The following WDR64 variants were observed in gnomAD, a reference collection of about 807,000 sequenced individuals.
WDR64 encodes the protein WD repeat-containing protein 64.
WDR64 carries 112 observed loss-of-function variants against 139.3 expected under a neutral mutation model. That is an observed-to-expected ratio of 0.80 (90% CI 0.69 to 0.94). WDR64 has a LOEUF of 0.94. Among genes scored for constraint, WDR64 ranks in the 40% least tolerant of loss-of-function variants. The pLI, the probability that WDR64 is intolerant of heterozygous loss-of-function variation, is 0.00. For synonymous variants in WDR64, 444 were observed against 437.7 expected, an observed-to-expected ratio of 1.01 and a Z score of -0.18; for missense variants, 1,206 against 1,293.1, an observed-to-expected ratio of 0.93 and a Z score of 1.03.
chr1:241,705,981 T>A (rs1667938947), intron 8 of WDR64, among the ~76,000 whole-genome samples: 1 of 152,162 alleles, frequency 6.6e-6, no homozygotes, highest in Non-Finnish European at 1.5e-5. Flanking sequence ...CCCACCATAA[T>A]ACTATCAATC....
At position 241,743,688 on chromosome 1, in the gene WDR64, GA is replaced by G. The variant is rs1233488899; in HGVS notation, c.1471-703del. Among the ~76,000 whole-genome samples the G allele has an allele frequency of 2.6e-5, 4 of 152,330 alleles. 1 individual carries two copies. The South Asian group carries it at 6.2e-4, about 24-fold the overall frequency. On this transcript the variant is annotated intron_variant, in intron 12 of 27. Transcript: ENST00000437684. ...TTACATCTGAACATGGCAACTCCAT[GA>G]AGGAGAGACTTAGACAGAAAATCTG...
intron 1 of WDR64, among the ~76,000 whole-genome samples, chr1:241,659,737 C>A (rs78488798): frequency 6.6e-6 from 1 of 152,072 alleles, no homozygotes; most frequent in Non-Finnish European, 1.5e-5. Context: ...ATGTCCTTTG[C>A]CCACTTTTAA....
chr1:241,702,443 A>G (rs1485129112), intron 8 of WDR64, among the ~76,000 whole-genome samples: 13 of 152,126 alleles, frequency 8.5e-5, no homozygotes, highest in Admixed American at 8.5e-4. Flanking sequence ...TGCCTTGTTT[A>G]ATGCCTGACA....
rs886324359 is a variant in WDR64, at chr1:241,656,137, G to A, written c.145+3508G>A. ...TGCTAGACAAGTTACCTTCTATCAC[G>A]GGGCGGCCTAAGAAAGAGTGAGGAG... On this transcript the variant is annotated intron_variant, in intron 1 of 27. Coordinates refer to ENST00000437684, the MANE Select transcript of WDR64 (RefSeq NM_001367482.1). This position sits in a 1 kb window ranked among gnomAD's most constrained non-coding sequence, Gnocchi z 4.3. Among the ~76,000 whole-genome samples, 9 of 152,254 alleles carry A rather than the reference G, an allele frequency of 5.9e-5. No homozygotes were observed. Among genetic ancestry groups the A allele is most frequent in the South Asian group, 2.1e-4 (1 of 4,824 alleles).
chr1:241,693,078 T>G (rs903118190), intron 8 of WDR64, among the ~76,000 whole-genome samples: 14 of 152,152 alleles, frequency 9.2e-5, no homozygotes, highest in Admixed American at 2.6e-4. Flanking sequence ...CCCAAAGAAG[T>G]TGAAAACGTA....
chr1:241,738,522 C>T (rs2148237217), intron 11 of WDR64, 33 bp downstream of exon 11: 1 of 1,579,208 alleles, frequency 6.3e-7, no homozygotes, highest in South Asian at 1.2e-5. Context: ...AAACGAAACT[C>T]ATGTCTTGAT....
intron 10 of WDR64, among the ~76,000 whole-genome samples, chr1:241,731,091 T>C (rs1669060641): frequency 6.6e-6 from 1 of 152,212 alleles, no homozygotes. Context: ...TACAAAAATA[T>C]ATGTGCAAAG....
intron 2 of WDR64, among the ~76,000 whole-genome samples, chr1:241,662,501 CACA>C (rs1254787081): frequency 6.6e-6 from 1 of 152,136 alleles, no homozygotes; most frequent in African/African-American, 2.4e-5. Context: ...ACTGGCAGTT[CACA>C]ACTTTGCATT....
intron 21 of WDR64, among the ~76,000 whole-genome samples, chr1:241,778,813 C>T (rs1658750166): frequency 1.3e-5 from 2 of 152,040 alleles, no homozygotes; most frequent in Non-Finnish European, 2.9e-5. Flanking sequence ...TCTTTTATCT[C>T]CTGTATAATT....
chr1:241,769,650 G>GA (rs1658344253), intron 17 of WDR64, 145 bp downstream of exon 17: 1 of 722,444 alleles, frequency 1.4e-6, no homozygotes, highest in African/African-American at 1.8e-5. Flanking sequence ...AGGGACCACT[G>GA]AAAAAAGACA....
chr1:241,683,576 C>A lies in WDR64; in HGVS notation c.714C>A (p.Ile238=). ...PLPDHLCRDD[I]LLGDDGGFVN... ...CTGACCATCTCTGCCGAGATGACATCCTCTTGGGGGATGATGGGGGTTTTG... is the reference window on the plus strand; with the variant it reads ...CTGACCATCTCTGCCGAGATGACATACTCTTGGGGGATGATGGGGGTTTTG... The change falls in exon 7 of 28, where the codon ATC becomes ATA. Residue 238 remains isoleucine (I), a synonymous_variant. Coordinates refer to ENST00000437684, the MANE Select transcript of WDR64 (RefSeq NM_001367482.1). 1 of 1,551,626 alleles carries A rather than the reference C, an allele frequency of 6.4e-7. No homozygotes were observed. Among genetic ancestry groups the A allele is most frequent in the Non-Finnish European group, 8.7e-7 (1 of 1,146,994 alleles).
chr1:241,669,402 T>C lies in WDR64; in HGVS notation c.277-1672T>C, dbSNP rs544016027. On this transcript the variant is annotated intron_variant, in intron 2 of 27. Transcript: ENST00000437684. ...TGACAAAGATTGCAGTAACAAAACC[T>C]TCCTGTCCACTCCAACATAGATCTA... 3.9e-5 allele frequency among the ~76,000 whole-genome samples: 6 copies of C among 152,358 alleles called. No homozygotes were observed. In the East Asian group the frequency reaches 1.2e-3, roughly 29 times the overall value.
chr1:241,700,161 T>A (rs1667655151), intron 8 of WDR64, among the ~76,000 whole-genome samples: 1 of 147,428 alleles, frequency 6.8e-6, no homozygotes, highest in African/African-American at 2.5e-5. Context: ...GAGGGAGGAA[T>A]CTGTTTCTTT....
At chr1:241,771,941 C>CATAT (rs1359575397) in intron 19 of WDR64, among the ~76,000 whole-genome samples, 171 of 28,824 alleles carry the variant, frequency 5.9e-3, no homozygotes, top group Non-Finnish European at 7.2e-3. Flanking sequence ...TACATACATA[C>CATAT]ATACATATAT....
intron 2 of WDR64, among the ~76,000 whole-genome samples, chr1:241,670,389 G>A (rs1334475664): frequency 6.6e-6 from 1 of 152,108 alleles, no homozygotes; most frequent in Non-Finnish European, 1.5e-5. Context: ...TGGAAAATGG[G>A]TAAGACAGTC....
At position 241,760,330 on chromosome 1, in the gene WDR64, CAT is replaced by C. The variant is rs770379173; in HGVS notation, c.1947+2886_1947+2887del. On this transcript the variant is annotated intron_variant, in intron 15 of 27. Coordinates refer to ENST00000437684, the MANE Select transcript of WDR64 (RefSeq NM_001367482.1). The stretch of plus-strand genomic sequence containing the variant: ...TAAAAGTAGTGCTGCAACAAATAGC[CAT>C]ATATATATATATATTTATATTTATA... Among the ~76,000 whole-genome samples the C allele has an allele frequency of 1.0e-3, 150 of 148,758 alleles. 4 individuals carry two copies. In the South Asian group the frequency reaches 0.025, roughly 24 times the overall value.
rs199635140 is a variant in WDR64 at position 241,656,870 on chromosome 1, T to TTG, written c.146-3620_146-3619dup. ...AAATGTCTCAAGTCTTTGCCAAATG[T>TTG]TGTGTGTGTGTGTGTGTGTGTGTGT... On this transcript the variant is annotated intron_variant, in intron 1 of 27. Coordinates refer to ENST00000437684, the MANE Select transcript of WDR64 (RefSeq NM_001367482.1). This position sits in a 1 kb window ranked among gnomAD's most constrained non-coding sequence, Gnocchi z 4.3. Among the ~76,000 whole-genome samples the TTG allele has an allele frequency of 0.092, 7,948 of 86,440 alleles. 253 individuals carry two copies. Among genetic ancestry groups the TTG allele is most frequent in the Middle Eastern group, 0.14 (27 of 190 alleles). The allele number at this position is 86,440 out of a possible 152,430, so 56.7% of individuals were successfully genotyped here. A position where few individuals can be genotyped will look rare whatever the true frequency, so the allele number is the denominator to read the frequency against.
chr1:241,723,349 A>T lies in WDR64; in HGVS notation c.1107A>T (p.Val369=). ...LWHPNISTKP[V]GKLVGHMFSI... ...ACCCCAATATCAGCACCAAGCCAGTAGGGAAACTTGTAGGACACATGTTCA... is the reference window on the plus strand; with the variant it reads ...ACCCCAATATCAGCACCAAGCCAGTTGGGAAACTTGTAGGACACATGTTCA... Residue 369 remains valine (V), a synonymous_variant, in exon 10 of 28, where the codon GTA becomes GTT. Coordinates refer to ENST00000437684, the MANE Select transcript of WDR64 (RefSeq NM_001367482.1). The T allele has an allele frequency of 5.0e-6, 8 of 1,614,124 alleles. No homozygotes were observed. Among genetic ancestry groups the T allele is most frequent in the Non-Finnish European group, 6.8e-6 (8 of 1,179,950 alleles).
At chr1:241,660,823 G>C (rs186348135) in intron 2 of WDR64, 163 bp downstream of exon 2, 3 of 699,016 alleles carry the variant, frequency 4.3e-6, no homozygotes, top group Admixed American at 5.9e-5. Flanking sequence ...GCCCACAAAT[G>C]AAAGTGGGTA....
Sources: gnomAD v4.1 joint callset for allele counts (sites outside exome capture counted in the v4.1 genomes callset) on GRCh38, gnomAD v4.1.1 for gene constraint, Gnocchi (gnomAD v3.1) non-coding constraint, MANE v1.5 for transcripts, NCBI Gene and HGNC (gene_info 2026-07-23, HGNC 2026-07-21) for gene names.